CSMD1: variants seen among roughly 807,000 people sequenced by gnomAD.
The protein encoded by CSMD1 is CUB and Sushi multiple domains 1.
A neutral mutation model predicts 417.5 loss-of-function variants in CSMD1; 213 were observed. That is an observed-to-expected ratio of 0.51 (90% CI 0.46 to 0.57). The LOEUF is 0.57. Among genes scored for constraint, CSMD1 ranks in the 20% least tolerant of loss-of-function variants. The pLI, the probability that CSMD1 is intolerant of heterozygous loss-of-function variation, is 0.00. For synonymous variants in CSMD1, 2,862 were observed against 1,736.8 expected (o/e 1.65, Z -16.11); for missense variants, 6,923 against 4,529.7 (o/e 1.53, Z -15.17).
At chr8:3,915,729 T>C (rs78991268) in intron 5 of CSMD1, among the ~76,000 whole-genome samples, 1,610 of 150,900 alleles carry the variant, frequency 0.011, 35 homozygotes, top group African/African-American at 0.037. Context: ...TTAATTTAGC[T>C]AGCAGCTCAA....
At chr8:4,217,262 T>G (rs967021716) in intron 3 of CSMD1, among the ~76,000 whole-genome samples, 3 of 152,196 alleles carry the variant, frequency 2.0e-5, no homozygotes, top group Non-Finnish European at 4.4e-5. Flanking sequence ...GGATTTAGAA[T>G]TTGCAGAAGT....
At chr8:4,520,715 A>G (rs1025820833) in intron 2 of CSMD1, among the ~76,000 whole-genome samples, 5 of 152,204 alleles carry the variant, frequency 3.3e-5, no homozygotes, top group African/African-American at 4.8e-5. Flanking sequence ...AGAATCCTGA[A>G]CTTTTGTTCC....
chr8:3,680,985 A>G (rs1478395868), intron 7 of CSMD1, among the ~76,000 whole-genome samples: 1 of 152,212 alleles, frequency 6.6e-6, no homozygotes, highest in Non-Finnish European at 1.5e-5. Flanking sequence ...ACAAAATTCA[A>G]CAGCCCTTCA....
chr8:4,565,594 G>A (rs950284884), intron 2 of CSMD1, among the ~76,000 whole-genome samples: 1 of 151,678 alleles, frequency 6.6e-6, no homozygotes, highest in Admixed American at 6.6e-5. Context: ...AATTAGCTGG[G>A]TGTGCTTACA....
At position 3,468,732 on chromosome 8, in the gene CSMD1, C is replaced by G; in HGVS notation, c.1541G>C (p.Gly514Ala). 6.2e-7 allele frequency: 1 copy of G among 1,604,182 alleles called. No individual in the cohort carries two copies. Among genetic ancestry groups the G allele is most frequent in the Non-Finnish European group, 8.5e-7 (1 of 1,175,358 alleles). ...LQSDDSIGSPGFKAVYQEIEK... is the reference protein window; with the variant it reads ...LQSDDSIGSPAFKAVYQEIEK... ...CATACCTTGGTAAACAGCTTTAAAC[C>G]CAGGTGAGCCAATGCTATCATCCGA... The change falls in exon 12 of 70, where the codon GGG becomes GCG. Residue 514 changes from glycine to alanine, a missense_variant. Physicochemically the swap from Gly to Ala is moderately conservative, Grantham distance 60. Transcript: ENST00000635120.
At chr8:4,506,845 C>G (rs1180149801) in intron 2 of CSMD1, among the ~76,000 whole-genome samples, 1 of 152,084 alleles carries the variant, frequency 6.6e-6, no homozygotes, top group African/African-American at 2.4e-5. Flanking sequence ...AAATCCATGT[C>G]TTATATTTGT....
chr8:3,368,789 A>G (rs1809767216), intron 19 of CSMD1, among the ~76,000 whole-genome samples: 1 of 152,256 alleles, frequency 6.6e-6, no homozygotes. Context: ...GGATAGAAAT[A>G]TCTATTCTAT....
In CSMD1 at chr8:4,533,262, C is replaced by T. The variant is rs767083121; in HGVS notation, c.302+104080G>A. Among the ~76,000 whole-genome samples, 4 of 152,198 alleles carry T rather than the reference C, an allele frequency of 2.6e-5. No homozygotes were observed. The South Asian group carries it at 6.2e-4, about 24-fold the overall frequency. On this transcript the variant is annotated intron_variant, in intron 2 of 69. Transcript: ENST00000635120. Reference sequence around the variant, plus strand: ...CCAAGAAGCAAGACTTTGGTAGAGACGGCCGCTTGCTCCCAAATATCATGC... The same window carrying T: ...CCAAGAAGCAAGACTTTGGTAGAGATGGCCGCTTGCTCCCAAATATCATGC...
At chr8:4,159,272 A>C (rs867637114) in intron 3 of CSMD1, among the ~76,000 whole-genome samples, 8 of 152,212 alleles carry the variant, frequency 5.3e-5, no homozygotes, top group Admixed American at 1.3e-4. Flanking sequence ...GGTAGCATTT[A>C]GTGTAAGTTT....
rs146412158 is a variant in CSMD1 at position 4,339,298 on chromosome 8, G to A, written c.415+80655C>T. ...TTGATAACTACTTCAAACCCTTTCA[G>A]TTCTTACCATTTTGTGATTTAAATT... On this transcript the variant is annotated intron_variant, in intron 3 of 69. Coordinates refer to ENST00000635120, the MANE Select transcript of CSMD1 (RefSeq NM_033225.6). Among the ~76,000 whole-genome samples the A allele has an allele frequency of 3.9e-3, 587 of 152,194 alleles. 6 individuals are homozygous for A. In the East Asian group the frequency reaches 0.042, roughly 11 times the overall value.
At chr8:3,025,439 T>A (rs971170048) in intron 51 of CSMD1, among the ~76,000 whole-genome samples, 14 of 151,928 alleles carry the variant, frequency 9.2e-5, no homozygotes, top group African/African-American at 3.1e-4. Flanking sequence ...TGAAACCGTG[T>A]ATTGTGTGGT....
intron 30 of CSMD1, among the ~76,000 whole-genome samples, chr8:3,209,788 TAA>T (rs1221269488): frequency 6.6e-6 from 1 of 152,190 alleles, no homozygotes; most frequent in Non-Finnish European, 1.5e-5. Flanking sequence ...CCTAAATGAA[TAA>T]AGACATACAA....
At chr8:4,048,466 T>C (rs542153923) in intron 3 of CSMD1, among the ~76,000 whole-genome samples, 1 of 152,318 alleles carries the variant, frequency 6.6e-6, no homozygotes, top group South Asian at 2.1e-4. Flanking sequence ...CTGCAGTAGC[T>C]ACTATTATCC....
intron 3 of CSMD1, among the ~76,000 whole-genome samples, chr8:4,129,089 A>AC (rs1323692634): frequency 4.6e-5 from 7 of 150,786 alleles, no homozygotes; most frequent in African/African-American, 1.7e-4. Flanking sequence ...AAAAAAAAAA[A>AC]AAACAAAACA....
intron 41 of CSMD1, among the ~76,000 whole-genome samples, chr8:3,136,127 T>C (rs751159662): frequency 3.9e-5 from 6 of 152,196 alleles, no homozygotes; most frequent in Non-Finnish European, 7.3e-5. Context: ...TAGCCACTAA[T>C]TGATGGCTCA....
intron 3 of CSMD1, among the ~76,000 whole-genome samples, chr8:4,139,487 G>C (rs909497634): frequency 2.8e-5 from 4 of 144,804 alleles, no homozygotes; most frequent in Non-Finnish European, 4.4e-5. Flanking sequence ...GGAAGGTGGC[G>C]TGGATGAATG....
At chr8:4,795,757 C>T (rs774029428) in intron 1 of CSMD1, among the ~76,000 whole-genome samples, 4 of 152,074 alleles carry the variant, frequency 2.6e-5, no homozygotes, top group African/African-American at 4.8e-5. Flanking sequence ...CAGTTACCTC[C>T]GTACCTGTGC....
At chr8:3,101,055 GT>G (rs3053035) in intron 46 of CSMD1, among the ~76,000 whole-genome samples, 36,836 of 140,160 alleles carry the variant, frequency 0.26, 5,565 homozygotes, top group African/African-American at 0.45. Context: ...TACGTATGGT[GT>G]TTTTTTTTTT....
intron 23 of CSMD1, among the ~76,000 whole-genome samples, chr8:3,324,356 C>G (rs780415721): frequency 6.6e-6 from 1 of 150,690 alleles, no homozygotes; most frequent in Non-Finnish European, 1.5e-5. Flanking sequence ...AGACACACAT[C>G]TAATCCCCAG....
Sources: gnomAD v4.1 joint callset for allele counts (sites outside exome capture counted in the v4.1 genomes callset) on GRCh38, gnomAD v4.1.1 for gene constraint, MANE v1.5 for transcripts, NCBI Gene and HGNC (gene_info 2026-07-23, HGNC 2026-07-21) for gene names.